The following EGF variants were observed in gnomAD, a reference collection of about 807,000 sequenced individuals.
EGF encodes epidermal growth factor, also known as pro-epidermal growth factor.
EGF carries 95 observed loss-of-function variants against 143.8 expected under a neutral mutation model. The ratio of observed to expected loss-of-function variants is 0.66; its 90% confidence interval spans 0.56 to 0.78. The LOEUF is 0.78. Among genes scored for constraint, EGF ranks in the 30% least tolerant of loss-of-function variants. EGF has a pLI of 0.00. For missense variants in EGF, 1,320 were observed against 1,470.9 expected (o/e 0.90, Z 1.68); for synonymous variants, 510 against 510.5 (o/e 1.00, Z 0.01).
chr4:109,941,807 A>G (rs1422177617), intron 2 of EGF, among the ~76,000 whole-genome samples: 4 of 152,210 alleles, frequency 2.6e-5, no homozygotes, highest in Non-Finnish European at 5.9e-5. Flanking sequence ...AATATAGCAG[A>G]TGACAGATAA....
chr4:109,993,228 ACT>A lies in EGF; in HGVS notation c.2735-16_2735-15del, dbSNP rs754811265. 1 of 1,613,230 alleles carries A rather than the reference ACT, an allele frequency of 6.2e-7. No individual in the cohort carries two copies. The highest frequency in any genetic ancestry group is 1.1e-5 in the South Asian group (1 of 91,050). On this transcript the variant is annotated splice_polypyrimidine_tract_variant and intron_variant, in intron 18 of 23. Coordinates refer to ENST00000265171, the MANE Select transcript of EGF (RefSeq NM_001963.6). Reference sequence around the variant, plus strand: ...TCTGTACCCCACTTTTCTCTCCCGTACTCTGTCTTTTCTGACAGATATTGATG... The same window carrying A: ...TCTGTACCCCACTTTTCTCTCCCGTACTGTCTTTTCTGACAGATATTGATG...
In EGF at chr4:109,978,712, TGTTAA is replaced by T. The variant is rs369886522; in HGVS notation, c.2054-1256_2054-1252del. Among the ~76,000 whole-genome samples, 37 of 152,330 alleles carry T rather than the reference TGTTAA, an allele frequency of 2.4e-4. 1 individual carries two copies. In the East Asian group the frequency reaches 6.2e-3, roughly 25 times the overall value. ...CTACTGAACTTAGAAATGGTTGAGCTGTTAAGTTTTCTGTTATGCTTTTTCACCAT... is the reference window on the plus strand; with the variant it reads ...CTACTGAACTTAGAAATGGTTGAGCTGTTTTCTGTTATGCTTTTTCACCAT... On this transcript the variant is annotated intron_variant, in intron 13 of 23. Coordinates refer to ENST00000265171, the MANE Select transcript of EGF (RefSeq NM_001963.6).
At position 109,945,099 on chromosome 4, in the gene EGF, T is replaced by C; in HGVS notation, c.764T>C (p.Phe255Ser). ...TQHNLFAMSL[F>S]GDRIFYSTWK... is the part of the protein sequence containing the mutation. ...CATAATTTGTTTGCAATGTCCCTTT[T>C]TGGTGACCGTATCTTCTATTCAACA... The change falls in exon 5 of 24, where the codon TTT (phenylalanine) becomes TCT (serine). Residue 255 changes from phenylalanine to serine, a missense_variant. Physicochemically the swap from Phe to Ser is radical, Grantham distance 155. This residue lies in a region of EGF where 1,186 missense variants were observed against 1,313.7 expected (regional missense o/e 0.90). Coordinates refer to ENST00000265171, the MANE Select transcript of EGF (RefSeq NM_001963.6). The C allele has an allele frequency of 6.2e-7, 1 of 1,614,218 alleles. No individual in the cohort carries two copies. Among genetic ancestry groups the C allele is most frequent in the South Asian group, 1.1e-5 (1 of 91,086 alleles).
intron 14 of EGF, chr4:109,980,493 A>T (rs1477345501): frequency 2.2e-6 from 1 of 459,390 alleles, no homozygotes; most frequent in Non-Finnish European, 3.9e-6. Flanking sequence ...GGCATTTCAC[A>T]TTTTATAGTA....
intron 10 of EGF, among the ~76,000 whole-genome samples, chr4:109,968,561 G>T (rs1746977020): frequency 6.6e-6 from 1 of 151,978 alleles, no homozygotes; most frequent in South Asian, 2.1e-4. Context: ...CCAGATACAT[G>T]GCTAAGGAGA....
chr4:109,924,735 A>G (rs1040728431), intron 1 of EGF, among the ~76,000 whole-genome samples: 1 of 152,232 alleles, frequency 6.6e-6, no homozygotes, highest in African/African-American at 2.4e-5. Flanking sequence ...AATAATGAGG[A>G]AAGGGCAGTC....
At position 109,980,076 on chromosome 4, in the gene EGF, C is replaced by A; in HGVS notation, c.2158C>A (p.Arg720Ser). The A allele has an allele frequency of 6.2e-7, 1 of 1,613,890 alleles. No homozygotes were observed. The highest frequency in any genetic ancestry group is 8.5e-7 in the Non-Finnish European group (1 of 1,179,886). ...CAAGAGGACTGGCAAAGATAGAGTA[C>A]GTCTCCAAGGCAGCATGCTGAAGCC... is the stretch of plus-strand genomic sequence containing the variant. ...VNKRTGKDRV[R>S]LQGSMLKPSS... is the part of the protein sequence containing the mutation. Residue 720 changes from arginine to serine, a missense_variant, in exon 14 of 24, where the codon CGT becomes AGT. Coordinates refer to ENST00000265171, the MANE Select transcript of EGF (RefSeq NM_001963.6).
At position 109,980,225 on chromosome 4, in the gene EGF, G is replaced by T. The variant is rs550828651; in HGVS notation, c.2221+86G>T. 7.4e-5 allele frequency: 104 copies of T among 1,396,116 alleles called. 2 individuals carry two copies. In the Admixed American group the frequency reaches 2.4e-3, roughly 32 times the overall value. The allele number at this position is 1,396,116 out of a possible 1,614,324, so 86.5% of individuals were successfully genotyped here. On this transcript the variant is annotated intron_variant, in intron 14 of 23. Coordinates refer to ENST00000265171, the MANE Select transcript of EGF (RefSeq NM_001963.6). ...TTTGATGTCATGCAGTTGGCGGGGG[G>T]GTGGAGGGGATTTTGTAACTTTCAC...
intron 23 of EGF, among the ~76,000 whole-genome samples, chr4:110,010,685 A>G (rs866983157): frequency 2.0e-5 from 3 of 152,136 alleles, no homozygotes; most frequent in African/African-American, 2.4e-5. Context: ...TCTTGGGTGC[A>G]AGCCATCCTC....
intron 21 of EGF, among the ~76,000 whole-genome samples, chr4:110,002,412 G>A (rs1752684301): frequency 6.6e-6 from 1 of 152,146 alleles, no homozygotes; most frequent in African/African-American, 2.4e-5. Context: ...AGGATCGCTT[G>A]AGCCAGGGAG....
chr4:110,000,782 T>C (rs950483562), intron 21 of EGF, among the ~76,000 whole-genome samples: 1 of 152,242 alleles, frequency 6.6e-6, no homozygotes, highest in Non-Finnish European at 1.5e-5. Context: ...TTATAGTTTG[T>C]GTTGTACAAA....
intron 5 of EGF, among the ~76,000 whole-genome samples, chr4:109,948,486 AT>A (rs993122018): frequency 3.3e-5 from 5 of 150,902 alleles, no homozygotes; most frequent in Admixed American, 6.6e-5. Context: ...CATCCTTCGG[AT>A]TTTTTTTTGG....
At position 110,012,642 on chromosome 4, in the gene EGF, A is replaced by G. The variant is rs905886928; in HGVS notation, c.*1187A>G. 6.6e-6 allele frequency among the ~76,000 whole-genome samples: 1 copy of G among 152,186 alleles called. No homozygotes were observed. Among genetic ancestry groups the G allele is most frequent in the Non-Finnish European group, 1.5e-5 (1 of 68,034 alleles). Reference sequence around the variant, plus strand: ...GCAAGGTCGTGCTGGTAATTTTGCAAAATGAATTGTGATTGACTTTCAGCC... The same window carrying G: ...GCAAGGTCGTGCTGGTAATTTTGCAGAATGAATTGTGATTGACTTTCAGCC... On this transcript the variant is annotated 3_prime_UTR_variant, in exon 24 of 24. Transcript: ENST00000265171.
At chr4:109,927,723 CAAAA>C (rs1168036243) in intron 1 of EGF, among the ~76,000 whole-genome samples, 1 of 51,604 alleles carries the variant, frequency 1.9e-5, no homozygotes, top group Non-Finnish European at 3.6e-5. Context: ...GACACCGTCT[CAAAA>C]AAAAAAAAAA....
At chr4:109,916,090 T>C (rs1050814414) in intron 1 of EGF, among the ~76,000 whole-genome samples, 1 of 152,132 alleles carries the variant, frequency 6.6e-6, no homozygotes, top group Admixed American at 6.5e-5. Context: ...ATGAACTTTT[T>C]TGGTAATAAA....
rs1292418818 is a variant in EGF at position 110,005,877 on chromosome 4, C to A, written c.3291+1255C>A. ...GCAAAGGCAATGTTTGGGGTCCTTC[C>A]CACATTATTACCCCTACTCCCCAGC... On this transcript the variant is annotated intron_variant, in intron 22 of 23. Coordinates refer to ENST00000265171, the MANE Select transcript of EGF (RefSeq NM_001963.6). Among the ~76,000 whole-genome samples the A allele has an allele frequency of 2.0e-5, 3 of 152,264 alleles. No individual in the cohort carries two copies. In the East Asian group the frequency reaches 5.8e-4, roughly 29 times the overall value.
intron 18 of EGF, among the ~76,000 whole-genome samples, chr4:109,991,367 C>G (rs1186204327): frequency 2.0e-5 from 3 of 152,196 alleles, no homozygotes; most frequent in Admixed American, 6.5e-5. Context: ...ATGGCGAAGG[C>G]TAGGAAGTTG....
intron 1 of EGF, among the ~76,000 whole-genome samples, chr4:109,933,700 G>A (rs1740232460): frequency 6.6e-6 from 1 of 152,116 alleles, no homozygotes; most frequent in African/African-American, 2.4e-5. Context: ...ATGATAGTTT[G>A]CTGAGAATGA....
intron 22 of EGF, among the ~76,000 whole-genome samples, chr4:110,007,883 T>C (rs1292277001): frequency 1.3e-5 from 2 of 152,208 alleles, no homozygotes; most frequent in African/African-American, 2.4e-5. Flanking sequence ...CAGGGATCCG[T>C]GACCTAAAAG....
Sources: allele counts gnomAD v4.1 joint callset (sites outside exome capture counted in the v4.1 genomes callset), GRCh38; gene constraint gnomAD v4.1.1; regional missense constraint gnomAD v4.1.1; transcripts MANE v1.5; gene names NCBI Gene and HGNC (gene_info 2026-07-23, HGNC 2026-07-21).